Variants in DPH6 observed in about 807,000 individuals in gnomAD.
DPH6 encodes diphthamine biosynthesis 6.
DPH6 carries 33 observed loss-of-function variants against 38.2 expected under a neutral mutation model. That is an observed-to-expected ratio of 0.86 (90% CI 0.65 to 1.15). The LOEUF (loss-of-function observed/expected upper bound fraction) is 1.15, where lower values mean the gene tolerates loss of function less well. DPH6 is among the 50% of genes most tolerant of loss of function. The pLI is 0.00. For synonymous variants in DPH6, 108 were observed against 103.0 expected, an observed-to-expected ratio of 1.05 and a Z score of -0.30; for missense variants, 325 against 320.0, an observed-to-expected ratio of 1.02 and a Z score of -0.12.
At chr15:35,491,382 C>CAAGACTGTTAGTGA (rs2054475542) in intron 3 of DPH6, among the ~76,000 whole-genome samples, 2 of 152,038 alleles carry the variant, frequency 1.3e-5, no homozygotes, top group Non-Finnish European at 2.9e-5. Flanking sequence ...AAATTTTCTA[C>CAAGACTGTTAGTGA]AATGGAGACT....
At chr15:35,425,774 C>T (rs2053562236) in intron 5 of DPH6, among the ~76,000 whole-genome samples, 1 of 147,204 alleles carries the variant, frequency 6.8e-6, no homozygotes, top group Admixed American at 6.9e-5. Context: ...GAAAGACATC[C>T]TTTCCATGTA....
At chr15:35,543,254 CACATA>C (rs2055288925) in intron 1 of DPH6, among the ~76,000 whole-genome samples, 3 of 116,024 alleles carry the variant, frequency 2.6e-5, no homozygotes, top group Non-Finnish European at 5.2e-5. Flanking sequence ...TACACACATA[CACATA>C]ATATATATAT....
At chr15:35,408,610 C>T (rs892317399) in intron 6 of DPH6, among the ~76,000 whole-genome samples, 5 of 151,908 alleles carry the variant, frequency 3.3e-5, no homozygotes, top group African/African-American at 1.2e-4. Flanking sequence ...GGAGCCTAAA[C>T]TAGGAGTCAG....
At chr15:35,470,631 G>A (rs189437124) in intron 3 of DPH6, among the ~76,000 whole-genome samples, 5 of 152,272 alleles carry the variant, frequency 3.3e-5, no homozygotes, top group South Asian at 2.1e-4. Flanking sequence ...CACAAAACGC[G>A]TTGGCAGCAC....
intron 3 of DPH6, among the ~76,000 whole-genome samples, chr15:35,354,817 C>T (rs1555394921): frequency 1.3e-5 from 2 of 151,696 alleles, no homozygotes; most frequent in Non-Finnish European, 2.9e-5. Context: ...GGGAGGATTT[C>T]CTAACTTATT....
chr15:35,304,153 A>C (rs1281434084), intron 3 of DPH6, among the ~76,000 whole-genome samples: 1 of 152,154 alleles, frequency 6.6e-6, no homozygotes. Context: ...AAACTGAATA[A>C]TATAGGCTAG....
chr15:35,531,059 C>T (rs2055080224), intron 3 of DPH6, among the ~76,000 whole-genome samples: 1 of 152,172 alleles, frequency 6.6e-6, no homozygotes, highest in African/African-American at 2.4e-5. Flanking sequence ...TTAACTAATG[C>T]TATGTCTGCG....
At chr15:35,448,964 C>T (rs145487030) in intron 5 of DPH6, among the ~76,000 whole-genome samples, 1 of 143,740 alleles carries the variant, frequency 7.0e-6, no homozygotes, top group Admixed American at 7.1e-5. Flanking sequence ...CTCTCCCCCA[C>T]AGAAAGGTCT....
At chr15:35,149,360 C>T in the DPH6 span, among the ~76,000 whole-genome samples, 1 of 152,178 alleles carries the variant, frequency 6.6e-6, no homozygotes, top group Admixed American at 6.5e-5. Flanking sequence ...GCCTCAGCCT[C>T]CCGAGTAGCT....
intron 3 of DPH6, among the ~76,000 whole-genome samples, chr15:35,285,134 A>C (rs1392230311): frequency 3.3e-5 from 5 of 152,140 alleles, no homozygotes; most frequent in African/African-American, 1.2e-4. Flanking sequence ...ATTGGGATGC[A>C]TTTGAGATAT....
chr15:35,515,132 T>TAA lies in DPH6; in HGVS notation c.312+23140_312+23141dup, dbSNP rs202176366. ...AAAAATGCCTGAAACACACTAAGGT[T>TAA]AAAAAAAAAAAAAAGCTAATGTATC... On this transcript the variant is annotated intron_variant, in intron 3 of 8. Coordinates refer to ENST00000256538, the MANE Select transcript of DPH6 (RefSeq NM_080650.4). Among the ~76,000 whole-genome samples, 22 of 140,118 alleles carry TAA rather than the reference T, an allele frequency of 1.6e-4. 1 individual carries two copies. In the South Asian group the frequency reaches 2.8e-3, roughly 18 times the overall value. The allele number at this position is 140,118 out of a possible 152,430, so 91.9% of individuals were successfully genotyped here. A position where few individuals can be genotyped will look rare whatever the true frequency, so the allele number is the denominator to read the frequency against.
chr15:35,162,665 AT>A, the DPH6 span, among the ~76,000 whole-genome samples: 2 of 151,676 alleles, frequency 1.3e-5, no homozygotes, highest in Non-Finnish European at 2.9e-5. Flanking sequence ...ACTTATAATA[AT>A]TTTTTTAATC....
chr15:35,534,016 C>A (rs985741762), intron 3 of DPH6, among the ~76,000 whole-genome samples: 1 of 151,556 alleles, frequency 6.6e-6, no homozygotes, highest in African/African-American at 2.4e-5. Context: ...AAAAGGCAAC[C>A]AAAACATCAG....
At chr15:35,282,880 G>T in intron 3 of DPH6, 1 of 341,694 alleles carries the variant, frequency 2.9e-6, no homozygotes, top group Non-Finnish European at 6.0e-6. Context: ...AGACCCCATC[G>T]GGGGGTTCCA....
chr15:35,242,312 T>C (rs1433343310), intron 3 of DPH6, among the ~76,000 whole-genome samples: 1 of 142,914 alleles, frequency 7.0e-6, no homozygotes, highest in Non-Finnish European at 1.5e-5. Context: ...TTCCTAGGCA[T>C]GGTTAGTGCG....
At chr15:35,480,506 T>C (rs1002536232) in intron 3 of DPH6, among the ~76,000 whole-genome samples, 12 of 152,090 alleles carry the variant, frequency 7.9e-5, no homozygotes, top group Admixed American at 2.6e-4. Flanking sequence ...TTCTATCCCA[T>C]ACCAGCTATA....
chr15:35,150,865 C>T, the DPH6 span, among the ~76,000 whole-genome samples: 1 of 152,002 alleles, frequency 6.6e-6, no homozygotes, highest in Non-Finnish European at 1.5e-5. Flanking sequence ...CGTTAATAAT[C>T]GAAATAAAAA....
intron 5 of DPH6, among the ~76,000 whole-genome samples, chr15:35,429,023 A>AT (rs539767924): frequency 2.6e-5 from 4 of 152,086 alleles, no homozygotes; most frequent in Admixed American, 6.6e-5. Context: ...AGTTTTCAGG[A>AT]TTTTTTCTAT....
chr15:35,157,154 A>G, the DPH6 span, among the ~76,000 whole-genome samples: 1 of 152,142 alleles, frequency 6.6e-6, no homozygotes, highest in Non-Finnish European at 1.5e-5. Flanking sequence ...GATTCCGATC[A>G]TCTTCTTTTA....
Sources: allele counts gnomAD v4.1 joint callset (sites outside exome capture counted in the v4.1 genomes callset), GRCh38; gene constraint gnomAD v4.1.1; transcripts MANE v1.5; gene names NCBI Gene and HGNC (gene_info 2026-07-23, HGNC 2026-07-21).